Variants in DNAJC14 observed in about 807,000 individuals in gnomAD.
DNAJC14 encodes the protein DnaJ heat shock protein family (Hsp40) member C14, also known as dnaJ homolog subfamily C member 14.
Under a neutral mutation model 68.8 loss-of-function variants are expected in DNAJC14, and 12 were observed. The observed-to-expected ratio is 0.17, with a 90% CI of 0.11 to 0.28. The LOEUF (loss-of-function observed/expected upper bound fraction) is 0.28. Ranked by LOEUF, DNAJC14 falls within the 10% of genes least tolerant of loss-of-function variation. The pLI is 1.00. For synonymous variants in DNAJC14, 350 were observed against 321.5 expected (o/e 1.09, Z -0.95); for missense variants, 764 against 875.6 (o/e 0.87, Z 1.61).
In DNAJC14 at chr12:55,821,707, C is replaced by T. The variant is rs984971351; in HGVS notation, c.*270G>A. The T allele has an allele frequency of 8.3e-6, 2 of 240,130 alleles. No homozygotes were observed. The highest frequency in any genetic ancestry group is 7.9e-6 in the Non-Finnish European group (1 of 125,904). 14.9% of individuals were successfully genotyped at this position (240,130 alleles called of 1,614,324 possible). On this transcript the variant is annotated 3_prime_UTR_variant, in exon 7 of 7. Coordinates refer to ENST00000678005, the MANE Select transcript of DNAJC14 (RefSeq NM_032364.6). ...TACTAAAAATACAAAAAAGAATTAG[C>T]TGGGCCAGGTGTGGTGGTGTGTGCC... is the stretch of plus-strand genomic sequence containing the variant.
rs1880913452 is a variant in DNAJC14, at chr12:55,829,547, A to C, written c.-115T>G. 1 of 984,448 alleles carries C rather than the reference A, an allele frequency of 1.0e-6. No individual in the cohort carries two copies. Among genetic ancestry groups the C allele is most frequent in the African/African-American group, 1.8e-5 (1 of 56,994 alleles). 61.0% of individuals were successfully genotyped at this position (984,448 alleles called of 1,614,324 possible). A position where few individuals can be genotyped will look rare whatever the true frequency, so the allele number is the denominator to read the frequency against. ...GCCCGGCCTGGGGCCAGGGTGAGCT[A>C]CGAGAGCCGCTCTCCCGGCTCCGCC... On this transcript the variant is annotated 5_prime_UTR_variant, in exon 1 of 7. Coordinates refer to ENST00000678005, the MANE Select transcript of DNAJC14 (RefSeq NM_032364.6).
At position 55,828,521 on chromosome 12, in the gene DNAJC14, A is replaced by G; in HGVS notation, c.138T>C (p.Ala46=). ...FSGLRDSAGT[A]PNGTRCLTEH... ...CTGTGAGGCAGCGGGTACCATTAGG[A>G]GCAGTCCCTGCTGAGTCCCTGAGTC... Residue 46 remains alanine (A), a synonymous_variant, in exon 2 of 7, where the codon GCT becomes GCC. Transcript: ENST00000678005. 6.2e-7 allele frequency: 1 copy of G among 1,614,000 alleles called. No homozygotes were observed. The highest frequency in any genetic ancestry group is 8.5e-7 in the Non-Finnish European group (1 of 1,179,996).
rs113100689 is a variant in DNAJC14 at position 55,822,009 on chromosome 12, G to A, written c.2077C>T (p.Arg693Trp). 3.7e-6 allele frequency: 6 copies of A among 1,612,916 alleles called. No individual in the cohort carries two copies. The highest frequency in any genetic ancestry group is 5.1e-6 in the Non-Finnish European group (6 of 1,179,568). ...VPKGEAKPKR[R>W]KKVRRPFQR ...TGGAAGGGCCTCCTCACTTTCTTCC[G>A]CCGCTTAGGTTTGGCTTCTCCCTTG... Residue 693 changes from arginine to tryptophan, a missense_variant, in exon 7 of 7, where the codon CGG (arginine) becomes TGG (tryptophan). Arg to Trp is a moderately radical substitution (Grantham distance 101, BLOSUM62 -3). Around this residue, in one of 4 missense-constraint regions of DNAJC14, gnomAD observed 134 missense variants for 162.3 expected, o/e 0.83. Coordinates refer to ENST00000678005, the MANE Select transcript of DNAJC14 (RefSeq NM_032364.6).
chr12:55,829,011 G>C, intron 1 of DNAJC14: 1 of 808,566 alleles, frequency 1.2e-6, no homozygotes, highest in Non-Finnish European at 1.5e-6. Context: ...GTCACTCTTA[G>C]GAAAATGGGA....
rs1392528713 is a variant in DNAJC14, at chr12:55,825,453, A to G, written c.1407+1799T>C. ...ATCTGTTATCTAATATCAACCTAATATCTACTTCTAATGCAATTTGATTGC... is the reference window on the plus strand; with the variant it reads ...ATCTGTTATCTAATATCAACCTAATGTCTACTTCTAATGCAATTTGATTGC... On this transcript the variant is annotated intron_variant, in intron 2 of 6. Coordinates refer to ENST00000678005, the MANE Select transcript of DNAJC14 (RefSeq NM_032364.6). Among the ~76,000 whole-genome samples the G allele has an allele frequency of 2.0e-5, 3 of 152,044 alleles. No individual in the cohort carries two copies. The East Asian group carries it at 5.8e-4, about 29-fold the overall frequency.
Position 55,822,400 on chromosome 12 carries a change from C to T in DNAJC14, c.1871G>A (p.Arg624Gln), listed in dbSNP as rs1344881882. The T allele has an allele frequency of 6.2e-6, 10 of 1,612,910 alleles. No homozygotes were observed. The highest frequency in any genetic ancestry group is 1.3e-5 in the African/African-American group (1 of 74,846). Residue 624 changes from arginine to glutamine, a missense_variant, in exon 6 of 7, where the codon CGG becomes CAG. This residue lies in a region of DNAJC14 where 134 missense variants were observed against 162.3 expected (regional missense o/e 0.83). Coordinates refer to ENST00000678005, the MANE Select transcript of DNAJC14 (RefSeq NM_032364.6). ...CTGCCGCCCTCTGGTGCCTGGAATCCGAGAACCAAATGAGATGTGATAGGG... is the reference window on the plus strand; with the variant it reads ...CTGCCGCCCTCTGGTGCCTGGAATCTGAGAACCAAATGAGATGTGATAGGG... ...RVPYHISFGS[R>Q]IPGTRGRQRA...
rs770957558 is a variant in DNAJC14, at chr12:55,823,527, T to G, written c.1408-19A>C. The stretch of plus-strand genomic sequence containing the variant: ...GATGAACCTACCAAGACAGAGAGAT[T>G]TCATTACAAATCCATTCCAACCCTC... On this transcript the variant is annotated intron_variant, in intron 2 of 6. Transcript: ENST00000678005. 4 of 1,605,820 alleles carry G rather than the reference T, an allele frequency of 2.5e-6. No homozygotes were observed. The highest frequency in any genetic ancestry group is 1.1e-5 in the South Asian group (1 of 90,918).
In DNAJC14 at chr12:55,829,453, A is replaced by C. The variant is rs552804352; in HGVS notation, c.-57+36T>G. The C allele has an allele frequency of 4.6e-3, 4,531 of 981,824 alleles. 15 individuals are homozygous for C. The highest frequency in any genetic ancestry group is 8.6e-3 in the South Asian group (182 of 21,134). The allele number at this position is 981,824 out of a possible 1,614,324, so 60.8% of individuals were successfully genotyped here. On this transcript the variant is annotated intron_variant, in intron 1 of 6. Coordinates refer to ENST00000678005, the MANE Select transcript of DNAJC14 (RefSeq NM_032364.6). ...GAGCGAGACTCCATCTCAAAAAAAC[A>C]AAAAAAAACGAAAAAAAAAAAAAAG...
In DNAJC14 at chr12:55,827,704, G is replaced by A. The variant is rs766520585; in HGVS notation, c.955C>T (p.Leu319=). ...AGCAGCTTAAGAAAACGAGTAAACA[G>A]TCCTACTCCACAGTAAAACCCCTGG... ...LSQGFYCGVG[L]FTRFLKLLGA... Residue 319 remains leucine, a synonymous_variant, in exon 2 of 7, where the codon CTG becomes TTG. Transcript: ENST00000678005. 7 of 1,614,124 alleles carry A rather than the reference G, an allele frequency of 4.3e-6. No homozygotes were observed. The Admixed American group carries it at 1.0e-4, about 23-fold the overall frequency.
chr12:55,823,609 GA>G, intron 2 of DNAJC14, 101 bp from the exon 3 acceptor site: 1 of 969,860 alleles, frequency 1.0e-6, no homozygotes, highest in Non-Finnish European at 1.6e-6. Context: ...CCCTTTTGAA[GA>G]GTCAGTGTAG....
rs1179384827 is a variant in DNAJC14 at position 55,822,092 on chromosome 12, G to C, written c.1994C>G (p.Ala665Gly). Reference sequence around the variant, plus strand: ...GGCTCCAGGGGCAGGCTGAGGAGCTGCAAAGAAGTTCCCATTGGGCATCTG... The same window carrying C: ...GGCTCCAGGGGCAGGCTGAGGAGCTCCAAAGAAGTTCCCATTGGGCATCTG... ...PGQMPNGNFF[A>G]APQPAPGAAA... The change falls in exon 7 of 7, where the codon GCA (alanine) becomes GGA (glycine). Residue 665 changes from alanine (A) to glycine (G), a missense_variant. Coordinates refer to ENST00000678005, the MANE Select transcript of DNAJC14 (RefSeq NM_032364.6). 6.2e-7 allele frequency: 1 copy of C among 1,614,048 alleles called. No individual in the cohort carries two copies. Among genetic ancestry groups the C allele is most frequent in the East Asian group, 2.2e-5 (1 of 44,878 alleles).
chr12:55,825,077 C>G (rs955051310), intron 2 of DNAJC14, among the ~76,000 whole-genome samples: 5 of 147,106 alleles, frequency 3.4e-5, no homozygotes, highest in African/African-American at 1.0e-4. Flanking sequence ...CTGCAGTGAG[C>G]TGAGATCCTG....
rs1880663676 is a variant in DNAJC14 at position 55,821,430 on chromosome 12, G to A, written c.*547C>T. On this transcript the variant is annotated 3_prime_UTR_variant, in exon 7 of 7. Transcript: ENST00000678005. ...CATCTGCCCTAAAAGCAAATGACAA[G>A]ACAAAGGCATACAGACCCCAGGGAA... is the stretch of plus-strand genomic sequence containing the variant. 1.3e-5 allele frequency: 2 copies of A among 152,656 alleles called. No individual in the cohort carries two copies. The highest frequency in any genetic ancestry group is 4.8e-5 in the African/African-American group (2 of 41,446). 9.5% of individuals were successfully genotyped at this position (152,656 alleles called of 1,614,324 possible). A position where few individuals can be genotyped will look rare whatever the true frequency, so the allele number is the denominator to read the frequency against.
intron 2 of DNAJC14, among the ~76,000 whole-genome samples, chr12:55,826,722 C>T (rs1415796940): frequency 6.6e-6 from 1 of 151,634 alleles, no homozygotes; most frequent in African/African-American, 2.4e-5. Context: ...ATGGCGTGAA[C>T]CCGGGAGGCG....
Position 55,822,046 on chromosome 12 carries a change from G to T in DNAJC14, c.2040C>A (p.Asn680Lys), listed in dbSNP as rs994564021. The change falls in exon 7 of 7, where the codon AAC (asparagine) becomes AAA (lysine). Residue 680 changes from asparagine to lysine, a missense_variant. Around this residue, in one of 4 missense-constraint regions of DNAJC14, gnomAD observed 134 missense variants for 162.3 expected, o/e 0.83. Transcript: ENST00000678005. ...TGGCTTCTCCCTTGGGTACTGTGCT[G>T]TTGGGCTTAGAGGCTGCAGCGGCTC... The part of the protein sequence containing the change: ...APGAAAASKP[N>K]STVPKGEAKP... 1.2e-6 allele frequency: 2 copies of T among 1,614,142 alleles called. No individual in the cohort carries two copies. Among genetic ancestry groups the T allele is most frequent in the African/African-American group, 2.7e-5 (2 of 75,032 alleles).
Position 55,829,476 on chromosome 12 carries a change from AAGAC to A in DNAJC14, c.-57+9_-57+12del. 4 of 984,500 alleles carry A rather than the reference AAGAC, an allele frequency of 4.1e-6. No homozygotes were observed. Among genetic ancestry groups the A allele is most frequent in the Non-Finnish European group, 4.8e-6 (4 of 829,806 alleles). The allele number at this position is 984,500 out of a possible 1,614,324, so 61.0% of individuals were successfully genotyped here. A position where few individuals can be genotyped will look rare whatever the true frequency, so the allele number is the denominator to read the frequency against. On this transcript the variant is annotated intron_variant, in intron 1 of 6. Transcript: ENST00000678005. ...ACAAAAAAAAACGAAAAAAAAAAAA[AAGAC>A]GGACGTACCGAAGAACGGCGGTAAC...
Position 55,828,508 on chromosome 12 carries a change from G to A in DNAJC14, c.151C>T (p.Arg51Cys), listed in dbSNP as rs1880869305. Residue 51 changes from arginine to cysteine, a missense_variant, in exon 2 of 7, where the codon CGC becomes TGC. Around this residue, in one of 4 missense-constraint regions of DNAJC14, gnomAD observed 514 missense variants for 521.7 expected, o/e 0.99. Transcript: ENST00000678005. ...GGACCAGAGTGCTCTGTGAGGCAGC[G>A]GGTACCATTAGGAGCAGTCCCTGCT... ...DSAGTAPNGT[R>C]CLTEHSGPKH... The A allele has an allele frequency of 1.2e-6, 2 of 1,614,002 alleles. No individual in the cohort carries two copies. The highest frequency in any genetic ancestry group is 8.5e-7 in the Non-Finnish European group (1 of 1,180,026).
intron 2 of DNAJC14, among the ~76,000 whole-genome samples, chr12:55,825,601 T>C (rs1053783121): frequency 8.5e-5 from 12 of 141,754 alleles, no homozygotes; most frequent in Admixed American, 3.1e-4. Context: ...TGGAGTACAG[T>C]GGCGCGATCT....
In DNAJC14 at chr12:55,828,299, G is replaced by A. The variant is rs1222736774; in HGVS notation, c.360C>T (p.Asn120=). 5 of 1,611,286 alleles carry A rather than the reference G, an allele frequency of 3.1e-6. No individual in the cohort carries two copies. The South Asian group carries it at 4.4e-5, about 14-fold the overall frequency. ...AAGCAGATGGAATGGAAAGAAAAGA[G>A]TTCCCATCCTTCTGGTTCCCAGTCT... ...ENETGNQKDG[N]SFLSIPSACN... Residue 120 remains asparagine, a synonymous_variant, in exon 2 of 7, where the codon AAC becomes AAT. Transcript: ENST00000678005.
Sources: gnomAD v4.1 joint callset for allele counts (sites outside exome capture counted in the v4.1 genomes callset) on GRCh38, gnomAD v4.1.1 for gene constraint, gnomAD v4.1.1 regional missense constraint, MANE v1.5 for transcripts, NCBI Gene and HGNC (gene_info 2026-07-23, HGNC 2026-07-21) for gene names.